Variants in ABTB2 observed in about 807,000 individuals in gnomAD.
ABTB2 encodes ankyrin repeat and BTB/POZ domain-containing protein 2.
Under a neutral mutation model 104.1 loss-of-function variants are expected in ABTB2, and 56 were observed. That is an observed-to-expected ratio of 0.54 (90% CI 0.43 to 0.67). ABTB2 has a LOEUF of 0.67. ABTB2 is among the 30% of genes least tolerant of loss of function. The pLI, the probability that ABTB2 is intolerant of heterozygous loss-of-function variation, is 0.00. For missense variants in ABTB2, 1,279 were observed against 1,407.7 expected, an observed-to-expected ratio of 0.91 and a Z score of 1.46; for synonymous variants, 606 against 608.2, an observed-to-expected ratio of 1.00 and a Z score of 0.05.
chr11:34,338,190 G>C (rs973870265), intron 1 of ABTB2, among the ~76,000 whole-genome samples: 4 of 151,994 alleles, frequency 2.6e-5, no homozygotes, highest in African/African-American at 9.7e-5. Flanking sequence ...AGACCAGCCT[G>C]GCCAACATGG....
chr11:34,160,148 G>T, intron 12 of ABTB2, 100 bp downstream of exon 12: 1 of 1,320,498 alleles, frequency 7.6e-7, no homozygotes, highest in Non-Finnish European at 1.1e-6. Context: ...TGGGGCCTTG[G>T]CGCTTGGAAA....
chr11:34,252,872 G>A lies in ABTB2; in HGVS notation c.884-48182C>T, dbSNP rs1408897915. ...ACCTGGGCCTCTCCTGCCCAACCCAGGTGGCTGTCACCTGGCCTGCACATG... is the reference window on the plus strand; with the variant it reads ...ACCTGGGCCTCTCCTGCCCAACCCAAGTGGCTGTCACCTGGCCTGCACATG... On this transcript the variant is annotated intron_variant, in intron 1 of 16. Coordinates refer to ENST00000435224, the MANE Select transcript of ABTB2 (RefSeq NM_145804.3). This position sits in a 1 kb window ranked among gnomAD's most constrained non-coding sequence, Gnocchi z 5.5. Among the ~76,000 whole-genome samples, 1 of 152,022 alleles carries A rather than the reference G, an allele frequency of 6.6e-6. No homozygotes were observed. Among genetic ancestry groups the A allele is most frequent in the African/African-American group, 2.4e-5 (1 of 41,366 alleles).
intron 1 of ABTB2, among the ~76,000 whole-genome samples, chr11:34,281,189 A>G (rs1211673464): frequency 6.6e-6 from 1 of 152,196 alleles, no homozygotes; most frequent in African/African-American, 2.4e-5. Flanking sequence ...TCCAGTGTAC[A>G]GGTGTGGGCA....
chr11:34,308,361 T>C (rs1274064888), intron 1 of ABTB2, among the ~76,000 whole-genome samples: 1 of 152,216 alleles, frequency 6.6e-6, no homozygotes, highest in Non-Finnish European at 1.5e-5. Context: ...CAGCAAGAAA[T>C]GACAGCTAAC....
Position 34,342,936 on chromosome 11 carries a change from T to C in ABTB2, c.883+13765A>G, listed in dbSNP as rs972706258. 1.1e-4 allele frequency among the ~76,000 whole-genome samples: 17 copies of C among 150,412 alleles called. No individual in the cohort carries two copies. In the East Asian group the frequency reaches 2.5e-3, roughly 23 times the overall value. ...CTCCCATTTCATTTATTTATTTATT[T>C]ATTTATTTATTTATTTATTTATTTA... On this transcript the variant is annotated intron_variant, in intron 1 of 16. Coordinates refer to ENST00000435224, the MANE Select transcript of ABTB2 (RefSeq NM_145804.3).
At chr11:34,332,598 A>C (rs2133117694) in intron 1 of ABTB2, among the ~76,000 whole-genome samples, 1 of 152,258 alleles carries the variant, frequency 6.6e-6, no homozygotes, top group African/African-American at 2.4e-5. Context: ...TTTTGAAAGC[A>C]CACAGTGACC....
At position 34,154,489 on chromosome 11, in the gene ABTB2, GC is replaced by G. The variant is rs1852592872; in HGVS notation, c.2767-112del. 2.3e-6 allele frequency: 2 copies of G among 884,180 alleles called. No homozygotes were observed. Among genetic ancestry groups the G allele is most frequent in the African/African-American group, 1.7e-5 (1 of 60,456 alleles). The allele number at this position is 884,180 out of a possible 1,614,324, so 54.8% of individuals were successfully genotyped here. On this transcript the variant is annotated intron_variant, in intron 15 of 16. Coordinates refer to ENST00000435224, the MANE Select transcript of ABTB2 (RefSeq NM_145804.3). This position sits in a 1 kb window ranked among gnomAD's most constrained non-coding sequence, Gnocchi z 4.9. ...TGTGCCCTGCTGCCTCCACCCTCAGGCCCCACTACCTTCTGATACTCCTGGG... is the reference window on the plus strand; with the variant it reads ...TGTGCCCTGCTGCCTCCACCCTCAGGCCCACTACCTTCTGATACTCCTGGG...
At chr11:34,278,118 T>G (rs1854407227) in intron 1 of ABTB2, among the ~76,000 whole-genome samples, 1 of 151,984 alleles carries the variant, frequency 6.6e-6, no homozygotes, top group Non-Finnish European at 1.5e-5. Context: ...TCTCCTTTCT[T>G]AATATTCACA....
At chr11:34,181,850 G>T (rs1243215562) in intron 3 of ABTB2, among the ~76,000 whole-genome samples, 3 of 152,210 alleles carry the variant, frequency 2.0e-5, no homozygotes, top group African/African-American at 7.2e-5. Flanking sequence ...TGGCCCCAGT[G>T]GTTCCTACCT....
chr11:34,213,317 T>G (rs1853506139), intron 1 of ABTB2, among the ~76,000 whole-genome samples: 5 of 152,220 alleles, frequency 3.3e-5, no homozygotes, highest in Admixed American at 2.6e-4. Context: ...CCATCTCTAC[T>G]AAAAATCCAA....
chr11:34,172,459 T>TAGAC (rs147770226), intron 4 of ABTB2, among the ~76,000 whole-genome samples: 48,987 of 129,620 alleles, frequency 0.38, 10,699 homozygotes, highest in Non-Finnish European at 0.46. Context: ...GATAGATAGA[T>TAGAC]AGATAGATAG....
intron 1 of ABTB2, among the ~76,000 whole-genome samples, chr11:34,223,762 A>G (rs1437066179): frequency 6.6e-6 from 1 of 152,224 alleles, no homozygotes; most frequent in Non-Finnish European, 1.5e-5. Context: ...CTCCAACACT[A>G]TGTTGCCTCC....
At chr11:34,167,451 T>G in intron 6 of ABTB2, 91 bp from the exon 7 acceptor site, 1 of 1,021,976 alleles carries the variant, frequency 9.8e-7, no homozygotes, top group Non-Finnish European at 1.5e-6. Context: ...AACAAGTGCT[T>G]TCTACATTCG....
intron 3 of ABTB2, among the ~76,000 whole-genome samples, chr11:34,193,332 C>A (rs539470233): frequency 2.6e-5 from 4 of 152,308 alleles, no homozygotes; most frequent in African/African-American, 7.2e-5. Flanking sequence ...TGGAAGGGTG[C>A]AGGGAGGCTC....
chr11:34,211,914 A>G (rs932022415), intron 1 of ABTB2, among the ~76,000 whole-genome samples: 1 of 151,618 alleles, frequency 6.6e-6, no homozygotes, highest in African/African-American at 2.4e-5. Context: ...AAAAAAAAAA[A>G]AAAAAAAAAA....
chr11:34,205,711 T>A (rs548875196), intron 1 of ABTB2, among the ~76,000 whole-genome samples: 8 of 152,198 alleles, frequency 5.3e-5, no homozygotes, highest in African/African-American at 1.9e-4. Context: ...TGTGGCCAAG[T>A]CTGGGTTAGA....
intron 3 of ABTB2, among the ~76,000 whole-genome samples, chr11:34,194,740 G>T (rs937402635): frequency 6.6e-6 from 1 of 151,434 alleles, no homozygotes; most frequent in African/African-American, 2.4e-5. Context: ...TATTTTTAGG[G>T]TTGTCCTCCT....
At position 34,151,178 on chromosome 11, in the gene ABTB2, C is replaced by A. The variant is rs370034167; in HGVS notation, c.*1209G>T. On this transcript the variant is annotated 3_prime_UTR_variant, in exon 17 of 17. Coordinates refer to ENST00000435224, the MANE Select transcript of ABTB2 (RefSeq NM_145804.3). ...GCCCCTGGGGGCTTTTCAGGGTGAC[C>A]TGAGTGCCACCTTCTGAAATGCCTG... 1 of 152,588 alleles carries A rather than the reference C, an allele frequency of 6.6e-6. No homozygotes were observed. Among genetic ancestry groups the A allele is most frequent in the African/African-American group, 2.4e-5 (1 of 41,454 alleles). 9.5% of individuals were successfully genotyped at this position (152,588 alleles called of 1,614,324 possible). A position where few individuals can be genotyped will look rare whatever the true frequency, so the allele number is the denominator to read the frequency against.
intron 16 of ABTB2, 94 bp from the exon 17 acceptor site, chr11:34,152,678 C>CTGAT (rs1313151960): frequency 3.2e-6 from 4 of 1,256,878 alleles, no homozygotes; most frequent in South Asian, 2.8e-5. Flanking sequence ...GGCCACAGCC[C>CTGAT]TGATTAAGCC....
Sources: allele counts gnomAD v4.1 joint callset (sites outside exome capture counted in the v4.1 genomes callset), GRCh38; gene constraint gnomAD v4.1.1; non-coding constraint Gnocchi (gnomAD v3.1); transcripts MANE v1.5; gene names NCBI Gene and HGNC (gene_info 2026-07-23, HGNC 2026-07-21).